PDLIM5: variants seen among roughly 807,000 people sequenced by gnomAD.
PDLIM5 encodes PDZ and LIM domain protein 5.
In PDLIM5, 34 loss-of-function variants were observed where a neutral mutation model predicts 64.2. The observed-to-expected ratio is 0.53, with a 90% CI of 0.40 to 0.71. The LOEUF (loss-of-function observed/expected upper bound fraction) is 0.71. Among genes scored for constraint, PDLIM5 ranks in the 30% least tolerant of loss-of-function variants. PDLIM5 has a pLI of 0.00. For missense variants in PDLIM5, 683 were observed against 733.6 expected (o/e 0.93, Z 0.80); for synonymous variants, 253 against 269.1 (o/e 0.94, Z 0.59).
At chr4:94,505,181 A>G (rs1347063026) in intron 2 of PDLIM5, among the ~76,000 whole-genome samples, 5 of 151,944 alleles carry the variant, frequency 3.3e-5, no homozygotes, top group Non-Finnish European at 7.4e-5. Flanking sequence ...GACACTACCT[A>G]CCTGGAGATA....
At chr4:94,632,268 T>C (rs1320105789) in intron 8 of PDLIM5, among the ~76,000 whole-genome samples, 1 of 152,266 alleles carries the variant, frequency 6.6e-6, no homozygotes, top group Admixed American at 6.5e-5. Context: ...CAAAAAACAT[T>C]TGCCTCATTT....
chr4:94,473,352 C>T (rs1226975267), intron 2 of PDLIM5, among the ~76,000 whole-genome samples: 2 of 152,164 alleles, frequency 1.3e-5, no homozygotes, highest in Admixed American at 1.3e-4. Flanking sequence ...ACCTCCACCT[C>T]CCGGGTTCAA....
intron 3 of PDLIM5, among the ~76,000 whole-genome samples, chr4:94,556,877 T>A (rs1274193561): frequency 6.6e-6 from 1 of 152,208 alleles, no homozygotes; most frequent in South Asian, 2.1e-4. Flanking sequence ...CTGATGGTAG[T>A]TTCTTTTGCT....
At position 94,667,104 on chromosome 4, in the gene PDLIM5, A is replaced by T. The variant is rs1328511037; in HGVS notation, c.*3037A>T. Reference sequence around the variant, plus strand: ...TAGAGCATTTACTTTTAGTCTCTAGATGTATATTTTGGAATGCTGTACTTG... The same window carrying T: ...TAGAGCATTTACTTTTAGTCTCTAGTTGTATATTTTGGAATGCTGTACTTG... On this transcript the variant is annotated 3_prime_UTR_variant, in exon 13 of 13. Coordinates refer to ENST00000317968, the MANE Select transcript of PDLIM5 (RefSeq NM_006457.5). The T allele has an allele frequency of 2.0e-5, 3 of 152,146 alleles. No homozygotes were observed. The East Asian group carries it at 5.8e-4, about 29-fold the overall frequency. The allele number at this position is 152,146 out of a possible 1,614,324, so 9.4% of individuals were successfully genotyped here.
chr4:94,469,349 A>G (rs1724644537), intron 2 of PDLIM5, among the ~76,000 whole-genome samples: 1 of 152,184 alleles, frequency 6.6e-6, no homozygotes, highest in South Asian at 2.1e-4. Context: ...TTTAGATTGG[A>G]CAGTCAATAC....
At chr4:94,555,602 C>T (rs1453870163) in intron 3 of PDLIM5, among the ~76,000 whole-genome samples, 2 of 152,114 alleles carry the variant, frequency 1.3e-5, no homozygotes, top group East Asian at 3.9e-4. Flanking sequence ...TCAGCCACCA[C>T]TGAAGTGCCA....
At chr4:94,585,297 A>T (rs1488375286) in intron 5 of PDLIM5, among the ~76,000 whole-genome samples, 1 of 151,910 alleles carries the variant, frequency 6.6e-6, no homozygotes, top group Non-Finnish European at 1.5e-5. Context: ...TCACTGTGTT[A>T]GCCAGGATGG....
chr4:94,475,944 A>G (rs1725284791), intron 2 of PDLIM5, among the ~76,000 whole-genome samples: 2 of 152,194 alleles, frequency 1.3e-5, no homozygotes, highest in Admixed American at 1.3e-4. Flanking sequence ...TCCCAGTTCA[A>G]TAACCCCAAG....
In PDLIM5 at chr4:94,509,834, G is replaced by A. The variant is rs548874321; in HGVS notation, c.97-13890G>A. 4.5e-4 allele frequency among the ~76,000 whole-genome samples: 68 copies of A among 152,278 alleles called. No individual in the cohort carries two copies. The South Asian group carries it at 6.2e-3, about 14-fold the overall frequency. On this transcript the variant is annotated intron_variant, in intron 2 of 12. Transcript: ENST00000317968. ...GCTTTATATTCTAGCCATGTTGGCA[G>A]CTGATTAGATGGTGCCCACCTAGAT...
At chr4:94,532,823 A>AC (rs1406590491) in intron 3 of PDLIM5, among the ~76,000 whole-genome samples, 5 of 151,798 alleles carry the variant, frequency 3.3e-5, no homozygotes, top group Admixed American at 2.0e-4. Context: ...ACATGGTGAA[A>AC]CCCCGTCTCT....
intron 5 of PDLIM5, among the ~76,000 whole-genome samples, chr4:94,577,576 G>A (rs887393524): frequency 9.4e-5 from 13 of 137,746 alleles, no homozygotes; most frequent in African/African-American, 3.2e-4. Context: ...GTGTTTGGTC[G>A]TAATCTTTTT....
chr4:94,520,988 T>C (rs2110128228), intron 2 of PDLIM5, among the ~76,000 whole-genome samples: 1 of 152,370 alleles, frequency 6.6e-6, no homozygotes, highest in South Asian at 2.1e-4. Flanking sequence ...ATAATTGTTA[T>C]ACAAAGTTGC....
chr4:94,573,206 G>A, intron 3 of PDLIM5, 145 bp from the exon 4 acceptor site: 1 of 654,114 alleles, frequency 1.5e-6, no homozygotes, highest in Non-Finnish European at 2.6e-6. Flanking sequence ...ATTGTGAATA[G>A]TAAAAACTAT....
At chr4:94,545,675 A>G (rs1732247939) in intron 3 of PDLIM5, among the ~76,000 whole-genome samples, 1 of 152,090 alleles carries the variant, frequency 6.6e-6, no homozygotes, top group South Asian at 2.1e-4. Flanking sequence ...ATCATCTTTC[A>G]TTTTTATAGT....
intron 11 of PDLIM5, among the ~76,000 whole-genome samples, chr4:94,660,938 C>A (rs898006368): frequency 1.3e-5 from 2 of 151,450 alleles, no homozygotes; most frequent in Non-Finnish European, 2.9e-5. Context: ...AAAAAAATAG[C>A]CAGGTTTTGG....
At chr4:94,620,894 C>T (rs1739170270) in intron 8 of PDLIM5, among the ~76,000 whole-genome samples, 1 of 151,180 alleles carries the variant, frequency 6.6e-6, no homozygotes, top group Non-Finnish European at 1.5e-5. Flanking sequence ...TGGGTAAAAC[C>T]CTGTCTCTAC....
chr4:94,613,252 A>C (rs1344533863), intron 7 of PDLIM5, among the ~76,000 whole-genome samples: 1 of 152,186 alleles, frequency 6.6e-6, no homozygotes, highest in Non-Finnish European at 1.5e-5. Flanking sequence ...AACATTGATA[A>C]TTAAACCTGT....
At chr4:94,455,630 C>T in intron 2 of PDLIM5, 1 of 684,214 alleles carries the variant, frequency 1.5e-6, no homozygotes, top group Non-Finnish European at 2.4e-6. Context: ...AAGCATTTAA[C>T]TAGGAACAGA....
intron 3 of PDLIM5, among the ~76,000 whole-genome samples, chr4:94,570,590 G>C (rs1019491155): frequency 6.6e-6 from 1 of 152,184 alleles, no homozygotes; most frequent in Non-Finnish European, 1.5e-5. Context: ...AATGTTTAAG[G>C]TTTGAGTATT....
Sources: allele counts gnomAD v4.1 joint callset (sites outside exome capture counted in the v4.1 genomes callset), GRCh38; gene constraint gnomAD v4.1.1; transcripts MANE v1.5; gene names NCBI Gene and HGNC (gene_info 2026-07-23, HGNC 2026-07-21).